BRWD1: variants seen among roughly 807,000 people sequenced by gnomAD.
The protein encoded by BRWD1 is bromodomain and WD repeat-containing protein 1.
In BRWD1, 82 loss-of-function variants were observed where a neutral mutation model predicts 251.2. The observed-to-expected ratio is 0.33, with a 90% CI of 0.27 to 0.39. The LOEUF is 0.39. Among genes scored for constraint, BRWD1 ranks in the 10% least tolerant of loss-of-function variants. The pLI, the probability that BRWD1 is intolerant of heterozygous loss-of-function variation, is 1.00. For missense variants in BRWD1, 2,233 were observed against 2,711.6 expected, an observed-to-expected ratio of 0.82 and a Z score of 3.92; for synonymous variants, 918 against 902.8, an observed-to-expected ratio of 1.02 and a Z score of -0.30.
chr21:39,188,084 A>G lies in BRWD1; in HGVS notation c.*8175T>C. 1.0e-6 allele frequency: 1 copy of G among 985,390 alleles called. No homozygotes were observed. Among genetic ancestry groups the G allele is most frequent in the Non-Finnish European group, 1.2e-6 (1 of 829,918 alleles). 61.0% of individuals were successfully genotyped at this position (985,390 alleles called of 1,614,324 possible). A position where few individuals can be genotyped will look rare whatever the true frequency, so the allele number is the denominator to read the frequency against. On this transcript the variant is annotated 3_prime_UTR_variant, in exon 41 of 41. Transcript: ENST00000342449. ...CAGAGCTACTACTCCGTGCTGACCA[A>G]ACTTAGGAGGGCTCAGATATGTTTG...
intron 22 of BRWD1, among the ~76,000 whole-genome samples, chr21:39,237,027 GA>G (rs1017256723): frequency 4.0e-5 from 6 of 148,792 alleles, no homozygotes; most frequent in East Asian, 3.9e-4. Flanking sequence ...ATGTAAACCC[GA>G]AAAAAAAAAT....
At chr21:39,292,115 T>G (rs58358971) in intron 8 of BRWD1, among the ~76,000 whole-genome samples, 4,249 of 10,242 alleles carry the variant, frequency 0.41, 474 homozygotes, top group African/African-American at 0.51. Flanking sequence ...CTATTTTTTG[T>G]GGGGGGTGGG....
At position 39,293,799 on chromosome 21, in the gene BRWD1, C is replaced by T. The variant is rs370465900; in HGVS notation, c.831+12G>A. 8.7e-6 allele frequency: 14 copies of T among 1,607,338 alleles called. No homozygotes were observed. Among genetic ancestry groups the T allele is most frequent in the Middle Eastern group, 1.7e-4 (1 of 6,056 alleles). ...TACATATAGGAATGTGCCCACTAAG[C>T]TACAAGTTTACCTGTAAAGATGTAA... On this transcript the variant is annotated intron_variant, in intron 8 of 40. Coordinates refer to ENST00000342449, the MANE Select transcript of BRWD1 (RefSeq NM_033656.4).
At position 39,242,090 on chromosome 21, in the gene BRWD1, C is replaced by G. The variant is rs754197789; in HGVS notation, c.2482-3517G>C. On this transcript the variant is annotated intron_variant, in intron 21 of 40. Coordinates refer to ENST00000342449, the MANE Select transcript of BRWD1 (RefSeq NM_033656.4). ...GAGTCACACATATCTTACTTTAACT[C>G]GCAATGTAGAAATGATTAAGCTTAG... Among the ~76,000 whole-genome samples the G allele has an allele frequency of 2.0e-5, 3 of 152,118 alleles. No individual in the cohort carries two copies. The South Asian group carries it at 6.2e-4, about 32-fold the overall frequency.
chr21:39,226,780 G>T (rs2033401628), intron 27 of BRWD1, among the ~76,000 whole-genome samples: 1 of 152,152 alleles, frequency 6.6e-6, no homozygotes, highest in Non-Finnish European at 1.5e-5. Flanking sequence ...GTCAGATGAG[G>T]ATGATTAGGG....
chr21:39,313,236 C>T lies in BRWD1; in HGVS notation c.108+5G>A. On this transcript the variant is annotated splice_donor_5th_base_variant and intron_variant, in intron 2 of 40. Transcript: ENST00000342449. ...GTCCGCAGCCGCCCGCGGGCCCGCA[C>T]TCACCTGGGCCGCTCTCCGACACGG... 6.5e-7 allele frequency: 1 copy of T among 1,536,220 alleles called. No individual in the cohort carries two copies. Among genetic ancestry groups the T allele is most frequent in the Non-Finnish European group, 8.8e-7 (1 of 1,135,162 alleles).
intron 4 of BRWD1, among the ~76,000 whole-genome samples, chr21:39,300,236 C>A (rs2036072558): frequency 6.6e-6 from 1 of 152,100 alleles, no homozygotes; most frequent in African/African-American, 2.4e-5. Context: ...GCCAGGGCAG[C>A]CCTGGAAGAA....
intron 18 of BRWD1, among the ~76,000 whole-genome samples, chr21:39,258,105 G>C (rs887800857): frequency 6.6e-6 from 1 of 152,058 alleles, no homozygotes; most frequent in Admixed American, 6.6e-5. Context: ...AACTCACTAA[G>C]TTTTCAAACT....
intron 34 of BRWD1, among the ~76,000 whole-genome samples, chr21:39,211,433 A>G (rs2032653059): frequency 6.6e-6 from 1 of 152,206 alleles, no homozygotes; most frequent in African/African-American, 2.4e-5. Flanking sequence ...TTATTATAAG[A>G]GGGAGGCAGA....
At chr21:39,313,641 G>GCCTCCGCGGGGGAGGAAGTAGTT (rs1601526070), upstream of BRWD1, 18 of 494,262 alleles carry the variant, frequency 3.6e-5, no homozygotes, top group East Asian at 2.9e-4. Flanking sequence ...CTGGACCGAC[G>GCCTCCGCGGGGGAGGAAGTAGTT]CCTCCGCGGG....
At chr21:39,233,125 A>G (rs1401103752) in intron 23 of BRWD1, among the ~76,000 whole-genome samples, 1 of 152,054 alleles carries the variant, frequency 6.6e-6, no homozygotes, top group African/African-American at 2.4e-5. Flanking sequence ...TTGAGTTGAA[A>G]ATCAACACTC....
At position 39,195,426 on chromosome 21, in the gene BRWD1, G is replaced by C. The variant is rs2836936; in HGVS notation, c.*833C>G. 1.0e-6 allele frequency: 1 copy of C among 984,826 alleles called. No homozygotes were observed. Among genetic ancestry groups the C allele is most frequent in the Non-Finnish European group, 1.2e-6 (1 of 829,234 alleles). 61.0% of individuals were successfully genotyped at this position (984,826 alleles called of 1,614,324 possible). On this transcript the variant is annotated 3_prime_UTR_variant, in exon 41 of 41. Coordinates refer to ENST00000342449, the MANE Select transcript of BRWD1 (RefSeq NM_033656.4). ...TTTCACAGAGTAAGATTATGGAAGA[G>C]CAAGATTTTGGTTAAATCCCTTACA...
intron 4 of BRWD1, among the ~76,000 whole-genome samples, chr21:39,308,379 G>A (rs1357738388): frequency 6.6e-6 from 1 of 151,544 alleles, no homozygotes; most frequent in Non-Finnish European, 1.5e-5. Flanking sequence ...CTACTCAGGA[G>A]GCTGAGGCAG....
At chr21:39,243,812 G>A (rs550982784) in intron 21 of BRWD1, among the ~76,000 whole-genome samples, 51 of 152,108 alleles carry the variant, frequency 3.4e-4, no homozygotes, top group Admixed American at 1.2e-3. Flanking sequence ...TAGATATCAA[G>A]AGGCATATGT....
chr21:39,257,544 A>AT (rs903372269), intron 18 of BRWD1, among the ~76,000 whole-genome samples: 98 of 149,174 alleles, frequency 6.6e-4, no homozygotes, highest in Middle Eastern at 3.4e-3. Flanking sequence ...TAAATCCTAA[A>AT]TTTTTTTTTT....
At chr21:39,313,367 G>C (rs1038614732) in intron 1 of BRWD1, 68 bp from the exon 2 acceptor site, 3 of 1,474,782 alleles carry the variant, frequency 2.0e-6, no homozygotes, top group African/African-American at 2.9e-5. Context: ...CAGGGGAGCC[G>C]GGGGAGCCCG....
At chr21:39,289,739 A>T (rs1179651847) in intron 8 of BRWD1, among the ~76,000 whole-genome samples, 1 of 152,236 alleles carries the variant, frequency 6.6e-6, no homozygotes, top group Admixed American at 6.5e-5. Context: ...GAAGCTAGCA[A>T]TCAGGCCGGG....
chr21:39,233,771 G>A (rs1159189768), intron 23 of BRWD1, among the ~76,000 whole-genome samples: 2 of 152,236 alleles, frequency 1.3e-5, no homozygotes, highest in Non-Finnish European at 2.9e-5. Context: ...TGTAATCCCA[G>A]CACTCTGGGA....
At chr21:39,218,344 T>C (rs1293409678) in intron 30 of BRWD1, 72 bp from the exon 31 acceptor site, 6 of 1,517,802 alleles carry the variant, frequency 4.0e-6, no homozygotes, top group Non-Finnish European at 5.3e-6. Flanking sequence ...CTAGAAATCA[T>C]TCATAAGATA....
Sources: gnomAD v4.1 joint callset for allele counts (sites outside exome capture counted in the v4.1 genomes callset) on GRCh38, gnomAD v4.1.1 for gene constraint, MANE v1.5 for transcripts, NCBI Gene and HGNC (gene_info 2026-07-23, HGNC 2026-07-21) for gene names.